RHPN2: variants seen among roughly 807,000 people sequenced by gnomAD.
The protein encoded by RHPN2 is rhophilin-2.
A neutral mutation model predicts 79.0 loss-of-function variants in RHPN2; 40 were observed. That is an observed-to-expected ratio of 0.51 (90% CI 0.39 to 0.66). The LOEUF (loss-of-function observed/expected upper bound fraction) is 0.66, where lower values mean the gene tolerates loss of function less well. Among genes scored for constraint, RHPN2 ranks in the 30% least tolerant of loss-of-function variants. The pLI is 0.00. For synonymous variants in RHPN2, 285 were observed against 363.5 expected, an observed-to-expected ratio of 0.78 and a Z score of 2.46; for missense variants, 686 against 883.5, an observed-to-expected ratio of 0.78 and a Z score of 2.83.
Position 33,046,070 on chromosome 19 carries a change from C to A in RHPN2, c.70-1706G>T, listed in dbSNP as rs910833375. ...TGAATAAGATTTCATTACATAGATA[C>A]ACCACACTTGTGTACTTTATCCATT... On this transcript the variant is annotated intron_variant, in intron 1 of 14. Transcript: ENST00000254260. Among the ~76,000 whole-genome samples the A allele has an allele frequency of 3.3e-5, 5 of 150,566 alleles. No individual in the cohort carries two copies. The Middle Eastern group carries it at 0.014, about 410-fold the overall frequency.
chr19:32,988,351 C>A (rs745610819), intron 14 of RHPN2, among the ~76,000 whole-genome samples: 52 of 152,160 alleles, frequency 3.4e-4, no homozygotes, highest in Non-Finnish European at 6.9e-4. Flanking sequence ...TAACACAAAT[C>A]ATCCACAAAT....
At chr19:33,061,225 CTTTTTTTTTTTT>C (rs35377340) in intron 1 of RHPN2, among the ~76,000 whole-genome samples, 1 of 120,596 alleles carries the variant, frequency 8.3e-6, no homozygotes, top group Non-Finnish European at 1.6e-5. Context: ...ACCTGCCTTT[CTTTTTTTTTTTT>C]TTTTTTTTTG....
chr19:33,024,233 A>G (rs1599822765), intron 3 of RHPN2, among the ~76,000 whole-genome samples: 1 of 151,980 alleles, frequency 6.6e-6, no homozygotes, highest in East Asian at 1.9e-4. Context: ...GGAGTTCGAG[A>G]CCAGCCTGGC....
At chr19:33,040,202 CTAAAACTAGT>C (rs1972089301) in intron 2 of RHPN2, among the ~76,000 whole-genome samples, 1 of 147,386 alleles carries the variant, frequency 6.8e-6, no homozygotes, top group African/African-American at 2.5e-5. Flanking sequence ...AACTAGTTAG[CTAAAACTAGT>C]TAAAACTAGG....
intron 14 of RHPN2, among the ~76,000 whole-genome samples, chr19:32,984,430 G>A (rs1010612482): frequency 1.3e-5 from 2 of 152,198 alleles, no homozygotes; most frequent in African/African-American, 2.4e-5. Flanking sequence ...AGGCCAAGGC[G>A]GGCCAATCAC....
chr19:33,031,691 G>GT (rs1972013407), intron 2 of RHPN2, among the ~76,000 whole-genome samples: 1 of 150,936 alleles, frequency 6.6e-6, no homozygotes, highest in Non-Finnish European at 1.5e-5. Flanking sequence ...GCTAACGTAG[G>GT]TTTTTTGTGG....
At position 33,008,173 on chromosome 19, in the gene RHPN2, A is replaced by G; in HGVS notation, c.601T>C (p.Ser201Pro). Residue 201 changes from serine to proline, a missense_variant, in exon 7 of 15, where the codon TCT (serine) becomes CCT (proline). Coordinates refer to ENST00000254260, the MANE Select transcript of RHPN2 (RefSeq NM_033103.5). Reference protein sequence around the residue: ...QMGLLFTWYDSLTGVPVSQQN... With the variant: ...QMGLLFTWYDPLTGVPVSQQN... ...TGGCTGACCGGAACCCCGGTGAGAGAGTCATACCTATGTGAAAGAAATGCA... is the reference window on the plus strand; with the variant it reads ...TGGCTGACCGGAACCCCGGTGAGAGGGTCATACCTATGTGAAAGAAATGCA... The G allele has an allele frequency of 6.2e-7, 1 of 1,613,806 alleles. No individual in the cohort carries two copies. Among genetic ancestry groups the G allele is most frequent in the East Asian group, 2.2e-5 (1 of 44,858 alleles).
chr19:33,031,210 T>TA (rs151178499), intron 2 of RHPN2, among the ~76,000 whole-genome samples: 434 of 145,142 alleles, frequency 3.0e-3, no homozygotes, highest in Non-Finnish European at 4.6e-3. Flanking sequence ...TATTCTATTC[T>TA]TTCTATTCTA....
intron 4 of RHPN2, among the ~76,000 whole-genome samples, chr19:33,020,687 A>G (rs566648823): frequency 5.3e-5 from 8 of 152,002 alleles, no homozygotes; most frequent in Non-Finnish European, 1.2e-4. Flanking sequence ...TTTAGTAGAG[A>G]CAGGGGTTTT....
intron 6 of RHPN2, among the ~76,000 whole-genome samples, chr19:33,008,993 G>A (rs1568314801): frequency 1.3e-5 from 2 of 148,340 alleles, no homozygotes; most frequent in Non-Finnish European, 3.0e-5. Context: ...ACATTACTAA[G>A]TGAAAGAGCC....
At position 33,054,959 on chromosome 19, in the gene RHPN2, CTG is replaced by C. The variant is rs1431102872; in HGVS notation, c.69+9823_69+9824del. On this transcript the variant is annotated intron_variant, in intron 1 of 14. Coordinates refer to ENST00000254260, the MANE Select transcript of RHPN2 (RefSeq NM_033103.5). ...CCAGCCAGGATCCCACAGTTGAAGA[CTG>C]TTGGTCAGGCAGACCCTCGGGGCTG... 3.3e-5 allele frequency among the ~76,000 whole-genome samples: 5 copies of C among 152,328 alleles called. No individual in the cohort carries two copies. The South Asian group carries it at 1.0e-3, about 32-fold the overall frequency.
intron 3 of RHPN2, 40 bp from the exon 4 acceptor site, chr19:33,021,686 C>A (rs373704301): frequency 1.2e-5 from 18 of 1,532,850 alleles, no homozygotes; most frequent in Middle Eastern, 1.7e-4. Context: ...ACACCCCCAA[C>A]CGGACCCCTG....
chr19:33,054,325 C>G (rs1237362288), intron 1 of RHPN2, among the ~76,000 whole-genome samples: 1 of 151,724 alleles, frequency 6.6e-6, no homozygotes, highest in Non-Finnish European at 1.5e-5. Context: ...CTCAGCCTCC[C>G]GAGTAGCTGG....
chr19:32,999,731 C>T, intron 9 of RHPN2, 26 bp from the exon 10 acceptor site: 1 of 1,607,762 alleles, frequency 6.2e-7, no homozygotes. Context: ...CAGGTTAAAT[C>T]CCCTCTCATG....
intron 1 of RHPN2, among the ~76,000 whole-genome samples, chr19:33,046,729 G>T (rs1972145713): frequency 1.3e-5 from 2 of 152,184 alleles, no homozygotes; most frequent in South Asian, 4.1e-4. Flanking sequence ...GCTACCTTAT[G>T]TGTGTGCTGT....
At chr19:33,011,562 T>C (rs1414658648) in intron 6 of RHPN2, 117 bp downstream of exon 6, 34 of 1,226,982 alleles carry the variant, frequency 2.8e-5, no homozygotes, top group Non-Finnish European at 3.6e-5. Context: ...AAATGCAAGA[T>C]AGGAAAGGGG....
Position 33,002,358 on chromosome 19 carries a change from G to A in RHPN2, c.994C>T (p.Pro332Ser). 6.2e-7 allele frequency: 1 copy of A among 1,613,954 alleles called. No individual in the cohort carries two copies. Among genetic ancestry groups the A allele is most frequent in the Non-Finnish European group, 8.5e-7 (1 of 1,179,868 alleles). ...QQLHAAMSQA[P>S]VKENIPYSWA... ...GAGTAGGGGATGTTCTCTTTCACCG[G>A]CGCCTGGCTCATGGCTGCGTGTAGC... The change falls in exon 9 of 15, where the codon CCG becomes TCG. Residue 332 changes from proline (P) to serine (S), a missense_variant. By Grantham distance (74) the Pro-to-Ser change is moderately conservative. Coordinates refer to ENST00000254260, the MANE Select transcript of RHPN2 (RefSeq NM_033103.5).
intron 4 of RHPN2, among the ~76,000 whole-genome samples, chr19:33,020,995 A>G (rs941263452): frequency 2.0e-4 from 30 of 152,360 alleles, no homozygotes; most frequent in African/African-American, 6.7e-4. Flanking sequence ...ATAAAATGTT[A>G]GAGAAAAAAC....
Position 33,006,796 on chromosome 19 carries a change from C to G in RHPN2, c.760+1218G>C, listed in dbSNP as rs144810853. On this transcript the variant is annotated intron_variant, in intron 7 of 14. Transcript: ENST00000254260. Reference sequence around the variant, plus strand: ...CACTAGGCTGCTTTTCTCCTCAACACCGCACCTCATTCTCATACTAAGATT... The same window carrying G: ...CACTAGGCTGCTTTTCTCCTCAACAGCGCACCTCATTCTCATACTAAGATT... Among the ~76,000 whole-genome samples the G allele has an allele frequency of 1.7e-4, 26 of 152,344 alleles. No individual in the cohort carries two copies. In the East Asian group the frequency reaches 5.0e-3, roughly 29 times the overall value.
Sources: gnomAD v4.1 joint callset for allele counts (sites outside exome capture counted in the v4.1 genomes callset) on GRCh38, gnomAD v4.1.1 for gene constraint, MANE v1.5 for transcripts, NCBI Gene and HGNC (gene_info 2026-07-23, HGNC 2026-07-21) for gene names.